ARHGAP15: variants seen among roughly 807,000 people sequenced by gnomAD.
ARHGAP15 encodes rho GTPase-activating protein 15.
A neutral mutation model predicts 63.7 loss-of-function variants in ARHGAP15; 51 were observed. The observed-to-expected ratio is 0.80, with a 90% CI of 0.64 to 1.01. The LOEUF is 1.01. ARHGAP15 is among the 50% of genes least tolerant of loss of function. ARHGAP15 has a pLI of 0.00. For missense variants in ARHGAP15, 560 were observed against 564.6 expected (o/e 0.99, Z 0.08); for synonymous variants, 191 against 193.8 (o/e 0.99, Z 0.12).
At chr2:143,435,003 T>A (rs1689547459) in intron 6 of ARHGAP15, among the ~76,000 whole-genome samples, 2 of 152,164 alleles carry the variant, frequency 1.3e-5, no homozygotes, top group East Asian at 3.9e-4. Flanking sequence ...AATATGTAAA[T>A]GAACTTTTAT....
intron 13 of ARHGAP15, among the ~76,000 whole-genome samples, chr2:143,743,523 T>C (rs1364923611): frequency 2.0e-5 from 3 of 152,220 alleles, no homozygotes; most frequent in Admixed American, 2.0e-4. Context: ...AGCTGCTTTA[T>C]CAACCTGTGC....
chr2:143,532,429 A>G (rs1023736738), intron 10 of ARHGAP15, among the ~76,000 whole-genome samples: 1 of 152,204 alleles, frequency 6.6e-6, no homozygotes, highest in Non-Finnish European at 1.5e-5. Context: ...ATGTATGTCC[A>G]TGTTTTCCAT....
At chr2:143,389,106 C>CATTATTATT (rs10548238) in intron 6 of ARHGAP15, among the ~76,000 whole-genome samples, 40 of 146,062 alleles carry the variant, frequency 2.7e-4, no homozygotes, top group East Asian at 7.9e-4. Flanking sequence ...TTTACTCAGA[C>CATTATTATT]ATTATTATTA....
chr2:143,610,320 T>TTTAAA (rs1698202985), intron 11 of ARHGAP15, among the ~76,000 whole-genome samples: 2 of 152,198 alleles, frequency 1.3e-5, no homozygotes, highest in African/African-American at 4.8e-5. Flanking sequence ...AAAATAGCTC[T>TTTAAA]GTTCATTAAA....
chr2:143,519,577 T>A, intron 10 of ARHGAP15: 1 of 362,748 alleles, frequency 2.8e-6, no homozygotes, highest in Middle Eastern at 8.1e-4. Context: ...TTTTTGTTTT[T>A]AATATTTTGT....
At chr2:143,484,381 AATT>A (rs1282340120) in intron 8 of ARHGAP15, among the ~76,000 whole-genome samples, 1 of 151,194 alleles carries the variant, frequency 6.6e-6, no homozygotes, top group African/African-American at 2.4e-5. Flanking sequence ...AAAAAAAAAA[AATT>A]AGCCAGGCTT....
chr2:143,209,732 A>T lies in ARHGAP15; in HGVS notation c.235-6652A>T, dbSNP rs545656786. Among the ~76,000 whole-genome samples, 119 of 152,292 alleles carry T rather than the reference A, an allele frequency of 7.8e-4. 1 individual carries two copies. Among genetic ancestry groups the T allele is most frequent in the African/African-American group, 2.8e-3 (116 of 41,564 alleles). On this transcript the variant is annotated intron_variant, in intron 3 of 13. Coordinates refer to ENST00000295095, the MANE Select transcript of ARHGAP15 (RefSeq NM_018460.4). ...CAAGTGCAAGGGTCGCCAGGTCAGA[A>T]CAAAGTTGTTACATCTGAAAAACTG...
intron 11 of ARHGAP15, among the ~76,000 whole-genome samples, chr2:143,590,069 C>T (rs1275518471): frequency 6.6e-6 from 1 of 152,154 alleles, no homozygotes; most frequent in African/African-American, 2.4e-5. Flanking sequence ...CTCCATGAAG[C>T]AGTCACTGCT....
At chr2:143,189,758 G>A (rs986577624) in intron 2 of ARHGAP15, among the ~76,000 whole-genome samples, 2 of 151,964 alleles carry the variant, frequency 1.3e-5, no homozygotes, top group South Asian at 2.1e-4. Flanking sequence ...CACCGCACCC[G>A]GACTTGATCT....
At chr2:143,519,187 A>C in intron 9 of ARHGAP15, 79 bp from the exon 10 acceptor site, 3 of 1,084,440 alleles carry the variant, frequency 2.8e-6, no homozygotes, top group Non-Finnish European at 4.2e-6. Flanking sequence ...TCAGCATGCA[A>C]TGGATATGGA....
chr2:143,225,738 T>G (rs1420842096), intron 4 of ARHGAP15, among the ~76,000 whole-genome samples: 1 of 152,222 alleles, frequency 6.6e-6, no homozygotes. Context: ...AGTTACCCTT[T>G]GAGCCTCATT....
At chr2:143,748,714 G>T (rs1346054538) in intron 13 of ARHGAP15, among the ~76,000 whole-genome samples, 1 of 152,096 alleles carries the variant, frequency 6.6e-6, no homozygotes, top group Non-Finnish European at 1.5e-5. Flanking sequence ...TCAAAATAAA[G>T]ATGAAAACAG....
intron 2 of ARHGAP15, among the ~76,000 whole-genome samples, chr2:143,198,119 A>C (rs1052523549): frequency 5.9e-5 from 9 of 152,100 alleles, no homozygotes; most frequent in Non-Finnish European, 8.8e-5. Context: ...CTGTGTTTAC[A>C]CTTCGATACT....
At chr2:143,341,244 A>G (rs1296795315) in intron 6 of ARHGAP15, among the ~76,000 whole-genome samples, 1 of 152,066 alleles carries the variant, frequency 6.6e-6, no homozygotes, top group Admixed American at 6.6e-5. Context: ...CGTATTCATT[A>G]TCTTAGAATA....
chr2:143,407,989 A>G (rs10199710), intron 6 of ARHGAP15, among the ~76,000 whole-genome samples: 1,144 of 16,002 alleles, frequency 0.071, 16 homozygotes, highest in East Asian at 0.47. Context: ...CTGTGTGTGT[A>G]TATATATATA....
intron 12 of ARHGAP15, among the ~76,000 whole-genome samples, chr2:143,673,614 T>TA (rs973422364): frequency 1.3e-5 from 2 of 150,340 alleles, no homozygotes; most frequent in Non-Finnish European, 3.0e-5. Flanking sequence ...AATCTTAATG[T>TA]AAAAATATAA....
intron 5 of ARHGAP15, among the ~76,000 whole-genome samples, chr2:143,229,206 A>G (rs889081922): frequency 2.6e-5 from 4 of 152,118 alleles, no homozygotes; most frequent in Admixed American, 2.6e-4. Context: ...CTGTTTATAA[A>G]TGGCACCTTA....
At chr2:143,582,435 GA>G (rs919234076) in intron 11 of ARHGAP15, among the ~76,000 whole-genome samples, 2 of 152,056 alleles carry the variant, frequency 1.3e-5, no homozygotes, top group Non-Finnish European at 2.9e-5. Flanking sequence ...TTGATTATTA[GA>G]ATTATTCAAC....
chr2:143,609,629 T>G (rs1316725290), intron 11 of ARHGAP15, among the ~76,000 whole-genome samples: 8 of 152,120 alleles, frequency 5.3e-5, no homozygotes. Flanking sequence ...GCATTTGCAC[T>G]TCTAGATTTC....
Sources: allele counts gnomAD v4.1 joint callset (sites outside exome capture counted in the v4.1 genomes callset), GRCh38; gene constraint gnomAD v4.1.1; transcripts MANE v1.5; gene names NCBI Gene and HGNC (gene_info 2026-07-23, HGNC 2026-07-21).